The following METAP2 variants were observed in gnomAD, a reference collection of about 807,000 sequenced individuals.
METAP2 encodes methionine aminopeptidase 2.
A neutral mutation model predicts 59.4 loss-of-function variants in METAP2; 25 were observed. The observed-to-expected ratio is 0.42, with a 90% confidence interval of 0.31 to 0.59. The LOEUF (loss-of-function observed/expected upper bound fraction) is 0.59. METAP2 is among the 20% of genes least tolerant of loss of function. The pLI is 0.16. For missense variants in METAP2, 366 were observed against 581.2 expected, an observed-to-expected ratio of 0.63 and a Z score of 3.81; for synonymous variants, 214 against 194.1, an observed-to-expected ratio of 1.10 and a Z score of -0.85.
intron 8 of METAP2, among the ~76,000 whole-genome samples, chr12:95,507,921 T>A (rs951420936): frequency 1.2e-4 from 18 of 150,472 alleles, no homozygotes; most frequent in Non-Finnish European, 5.9e-5. Context: ...TGGGATTACA[T>A]GCGCCACCAC....
At chr12:95,494,285 T>C (rs2076261399) in intron 5 of METAP2, 68 bp downstream of exon 5, 1 of 1,434,320 alleles carries the variant, frequency 7.0e-7, no homozygotes, top group Non-Finnish European at 9.5e-7. Flanking sequence ...TCTCCAATTA[T>C]AATGTTTGGC....
rs2076415078 is a variant in METAP2, at chr12:95,513,056, AT to A, written c.1184+141del. ...TGTAGCCCAACAATAAGAAAAAAAAATAGCCTGTTAAACATTTTAACTGAGA... is the reference window on the plus strand; with the variant it reads ...TGTAGCCCAACAATAAGAAAAAAAAAAGCCTGTTAAACATTTTAACTGAGA... On this transcript the variant is annotated intron_variant, in intron 10 of 10. Coordinates refer to ENST00000323666, the MANE Select transcript of METAP2 (RefSeq NM_006838.4). 8 of 571,564 alleles carry A rather than the reference AT, an allele frequency of 1.4e-5. No individual in the cohort carries two copies. The East Asian group carries it at 2.1e-4, about 15-fold the overall frequency. 35.4% of individuals were successfully genotyped at this position (571,564 alleles called of 1,614,324 possible).
chr12:95,484,357 C>T (rs2076180513), intron 3 of METAP2, among the ~76,000 whole-genome samples: 1 of 151,590 alleles, frequency 6.6e-6, no homozygotes, highest in African/African-American at 2.4e-5. Context: ...TTGATGAGCA[C>T]AGGATACTTG....
chr12:95,513,568 A>G (rs1243066411), intron 10 of METAP2, 84 bp from the exon 11 acceptor site: 2 of 1,473,302 alleles, frequency 1.4e-6, no homozygotes, highest in East Asian at 2.3e-5. Flanking sequence ...ACTAGGACAC[A>G]GCTAAGGTCT....
intron 7 of METAP2, among the ~76,000 whole-genome samples, chr12:95,498,438 G>A (rs1026890441): frequency 2.0e-5 from 3 of 152,274 alleles, no homozygotes; most frequent in South Asian, 4.2e-4. Flanking sequence ...ATGTTGTCAT[G>A]AAGTCCAGTT....
chr12:95,491,709 T>A (rs1236068831), intron 4 of METAP2, among the ~76,000 whole-genome samples: 2 of 151,950 alleles, frequency 1.3e-5, no homozygotes, highest in East Asian at 1.9e-4. Context: ...ACAGGGTCTT[T>A]CTATGTTGCC....
In METAP2 at chr12:95,474,301, A is replaced by G; in HGVS notation, c.122A>G (p.Lys41Arg). 3.7e-6 allele frequency: 6 copies of G among 1,613,684 alleles called. No homozygotes were observed. The highest frequency in any genetic ancestry group is 1.7e-4 in the Middle Eastern group (1 of 6,060). Residue 41 changes from lysine (K) to arginine (R), a missense_variant, in exon 1 of 11, where the codon AAG becomes AGG. By Grantham distance (26) the Lys-to-Arg change is conservative. Around this residue, in one of 4 missense-constraint regions of METAP2, gnomAD observed 177 missense variants for 180.3 expected, o/e 0.98. Transcript: ENST00000323666. ...GAAGCAGCCAAGAAAAAAAGACGAA[A>G]GAAGAAGAAGAGCAAAGGGCCTTCT... ...AEEAAKKKRR[K>R]KKKSKGPSAA...
At chr12:95,494,834 G>T (rs2076265440) in intron 5 of METAP2, 123 bp from the exon 6 acceptor site, 2 of 642,334 alleles carry the variant, frequency 3.1e-6, no homozygotes, top group Non-Finnish European at 5.0e-6. Context: ...AAAGTGCTCA[G>T]ATCATTCCCA....
At chr12:95,506,335 C>T (rs534743018) in intron 8 of METAP2, among the ~76,000 whole-genome samples, 19 of 130,724 alleles carry the variant, frequency 1.5e-4, no homozygotes, top group East Asian at 4.4e-4. Flanking sequence ...CTCACTCTGT[C>T]GCCCAGGCTA....
At chr12:95,502,396 T>A (rs1283292322) in intron 7 of METAP2, among the ~76,000 whole-genome samples, 1 of 152,234 alleles carries the variant, frequency 6.6e-6, no homozygotes, top group Non-Finnish European at 1.5e-5. Context: ...TTGAATATGT[T>A]GCACTGCTGC....
chr12:95,483,466 ACT>A (rs1308551069), intron 3 of METAP2, 186 bp downstream of exon 3: 3 of 248,116 alleles, frequency 1.2e-5, no homozygotes, highest in Non-Finnish European at 2.2e-5. Context: ...ACAGAGTGAG[ACT>A]CTGTCTCAAA....
intron 10 of METAP2, 85 bp from the exon 11 acceptor site, chr12:95,513,567 C>T: frequency 2.7e-6 from 4 of 1,466,960 alleles, no homozygotes; most frequent in Non-Finnish European, 3.7e-6. Context: ...TACTAGGACA[C>T]AGCTAAGGTC....
intron 8 of METAP2, among the ~76,000 whole-genome samples, chr12:95,510,929 C>T (rs528723098): frequency 6.6e-6 from 1 of 152,102 alleles, no homozygotes; most frequent in African/African-American, 2.4e-5. Context: ...CCTTTTTCTG[C>T]TCATTTTGTC....
intron 8 of METAP2, among the ~76,000 whole-genome samples, chr12:95,506,903 C>G (rs529954241): frequency 6.4e-4 from 98 of 152,022 alleles, no homozygotes; most frequent in African/African-American, 2.2e-3. Context: ...TAAGCTCAGC[C>G]TCCCGAGTAG....
intron 3 of METAP2, chr12:95,484,850 GT>G (rs2076184281): frequency 2.2e-6 from 1 of 455,186 alleles, no homozygotes; most frequent in Non-Finnish European, 4.4e-6. Context: ...CAAATGTGTG[GT>G]TTTTGTGTTG....
intron 2 of METAP2, among the ~76,000 whole-genome samples, chr12:95,479,462 T>C (rs1266794043): frequency 2.6e-5 from 4 of 152,130 alleles, no homozygotes; most frequent in Admixed American, 6.5e-5. Flanking sequence ...GGGTACTAAG[T>C]TTAATTTTAG....
intron 9 of METAP2, 122 bp downstream of exon 9, chr12:95,512,120 C>T (rs899785871): frequency 1.5e-6 from 1 of 645,534 alleles, no homozygotes; most frequent in Non-Finnish European, 2.6e-6. Flanking sequence ...CCATATTCAC[C>T]CTGCCAGGAA....
intron 2 of METAP2, 66 bp from the exon 3 acceptor site, chr12:95,483,149 T>G: frequency 8.5e-7 from 1 of 1,170,000 alleles, no homozygotes; most frequent in Non-Finnish European, 1.3e-6. Context: ...CTTGTCTCCT[T>G]GTACTTGCTT....
intron 7 of METAP2, among the ~76,000 whole-genome samples, chr12:95,502,460 TC>T (rs2076323625): frequency 6.6e-6 from 1 of 152,206 alleles, no homozygotes; most frequent in Non-Finnish European, 1.5e-5. Context: ...TAATTGAGCA[TC>T]CCTTTTATAT....
Sources: gnomAD v4.1 joint callset for allele counts (sites outside exome capture counted in the v4.1 genomes callset) on GRCh38, gnomAD v4.1.1 for gene constraint, gnomAD v4.1.1 regional missense constraint, MANE v1.5 for transcripts, NCBI Gene and HGNC (gene_info 2026-07-23, HGNC 2026-07-21) for gene names.